MAMDC2: variants seen among roughly 807,000 people sequenced by gnomAD.
MAMDC2 encodes the protein MAM domain-containing protein 2.
MAMDC2 carries 57 observed loss-of-function variants against 89.8 expected under a neutral mutation model. The observed-to-expected ratio is 0.63, with a 90% CI of 0.51 to 0.79. The LOEUF (loss-of-function observed/expected upper bound fraction) is 0.79. MAMDC2 is among the 30% of genes least tolerant of loss of function. MAMDC2 has a pLI of 0.00. For synonymous variants in MAMDC2, 313 were observed against 293.4 expected (o/e 1.07, Z -0.68); for missense variants, 800 against 820.6 (o/e 0.97, Z 0.31).
intron 2 of MAMDC2, among the ~76,000 whole-genome samples, chr9:70,101,842 G>A (rs1375654029): frequency 6.6e-6 from 1 of 152,176 alleles, no homozygotes; most frequent in Non-Finnish European, 1.5e-5. Flanking sequence ...CTATAGATAT[G>A]AAGTCATATC....
Position 70,103,624 on chromosome 9 carries a change from AAAAAT to A in MAMDC2, c.149-4585_149-4581del, listed in dbSNP as rs532118751. Among the ~76,000 whole-genome samples the A allele has an allele frequency of 6.2e-3, 948 of 152,162 alleles. 11 individuals carry two copies. Among genetic ancestry groups the A allele is most frequent in the African/African-American group, 0.022 (897 of 41,538 alleles). The stretch of plus-strand genomic sequence containing the variant: ...TGCCAAAGGCAGAAAAAAAAAAACT[AAAAAT>A]AGAAAATTAAACTTCATCAAAATTT... On this transcript the variant is annotated intron_variant, in intron 2 of 13. Coordinates refer to ENST00000377182, the MANE Select transcript of MAMDC2 (RefSeq NM_153267.5).
At chr9:70,064,285 A>C (rs1827215124) in intron 2 of MAMDC2, among the ~76,000 whole-genome samples, 2 of 152,082 alleles carry the variant, frequency 1.3e-5, no homozygotes, top group Non-Finnish European at 2.9e-5. Context: ...GTGTACACTG[A>C]ACCCCATTTG....
At chr9:70,091,700 A>G (rs1445100356) in intron 2 of MAMDC2, among the ~76,000 whole-genome samples, 2 of 152,166 alleles carry the variant, frequency 1.3e-5, no homozygotes, top group Admixed American at 6.5e-5. Context: ...TAACTGTCCA[A>G]TTGTATCATG....
chr9:70,060,528 G>A (rs1033918315), intron 2 of MAMDC2: 5 of 152,166 alleles, frequency 3.3e-5, no homozygotes, highest in African/African-American at 7.2e-5. Flanking sequence ...CTGCTGGTTC[G>A]AATGAGTGTT....
intron 2 of MAMDC2, among the ~76,000 whole-genome samples, chr9:70,048,457 C>G (rs920662800): frequency 7.9e-5 from 12 of 152,090 alleles, no homozygotes; most frequent in Admixed American, 1.3e-4. Context: ...TGCTACCACC[C>G]CAGGCTAATT....
chr9:70,204,426 G>A (rs2118642096), intron 11 of MAMDC2, among the ~76,000 whole-genome samples: 1 of 151,414 alleles, frequency 6.6e-6, no homozygotes, highest in East Asian at 2.0e-4. Flanking sequence ...CAGATCTCCA[G>A]CTGCGTGCTG....
intron 2 of MAMDC2, among the ~76,000 whole-genome samples, chr9:70,102,883 C>A (rs1332317773): frequency 6.6e-6 from 1 of 152,232 alleles, no homozygotes; most frequent in Admixed American, 6.5e-5. Context: ...TCCCCCAGAT[C>A]CCTGGCCTGA....
chr9:70,149,380 T>C (rs940257356), intron 9 of MAMDC2, among the ~76,000 whole-genome samples: 8 of 151,876 alleles, frequency 5.3e-5, no homozygotes, highest in Non-Finnish European at 1.0e-4. Context: ...GGAAGCAGGA[T>C]CAGGCAGGGG....
rs192408766 is a variant in MAMDC2 at position 70,081,326 on chromosome 9, G to C, written c.149-26885G>C. 4.2e-3 allele frequency among the ~76,000 whole-genome samples: 637 copies of C among 152,212 alleles called. 4 individuals are homozygous for C. Among genetic ancestry groups the C allele is most frequent in the Middle Eastern group, 0.027 (8 of 294 alleles). ...GAAAGCCACAAGAACCGTCCTGGAGGGGGAGGGAATGTCCAAATCTGTGAG... is the reference window on the plus strand; with the variant it reads ...GAAAGCCACAAGAACCGTCCTGGAGCGGGAGGGAATGTCCAAATCTGTGAG... On this transcript the variant is annotated intron_variant, in intron 2 of 13. Coordinates refer to ENST00000377182, the MANE Select transcript of MAMDC2 (RefSeq NM_153267.5).
intron 2 of MAMDC2, among the ~76,000 whole-genome samples, chr9:70,061,631 C>A (rs974098463): frequency 1.3e-5 from 2 of 152,060 alleles, no homozygotes; most frequent in African/African-American, 4.8e-5. Context: ...TGCCAAAAAT[C>A]AAATGATCAA....
intron 11 of MAMDC2, among the ~76,000 whole-genome samples, chr9:70,203,296 A>T (rs1411737856): frequency 1.3e-5 from 2 of 151,060 alleles, no homozygotes; most frequent in Non-Finnish European, 2.9e-5. Flanking sequence ...AAAGTATTTT[A>T]TTTCTCCTTC....
chr9:70,199,869 A>G (rs1282428976), intron 11 of MAMDC2, among the ~76,000 whole-genome samples: 1 of 150,954 alleles, frequency 6.6e-6, no homozygotes, highest in Non-Finnish European at 1.5e-5. Flanking sequence ...GTGTCTGTTC[A>G]TGTCCTTCGC....
intron 11 of MAMDC2, among the ~76,000 whole-genome samples, chr9:70,204,368 G>T (rs1177450250): frequency 4.0e-5 from 6 of 151,766 alleles, no homozygotes; most frequent in South Asian, 2.1e-4. Context: ...TAGGCTGCTC[G>T]GGGGTCAGGG....
chr9:70,050,194 T>C (rs961688412), intron 2 of MAMDC2, among the ~76,000 whole-genome samples: 2 of 152,104 alleles, frequency 1.3e-5, no homozygotes, highest in South Asian at 2.1e-4. Flanking sequence ...CTCTTTCAGA[T>C]GTATAGGGAT....
intron 2 of MAMDC2, among the ~76,000 whole-genome samples, chr9:70,083,940 C>T (rs1246910023): frequency 6.6e-6 from 1 of 152,096 alleles, no homozygotes; most frequent in East Asian, 1.9e-4. Context: ...CACTAATTAG[C>T]TAAGAGACTT....
Position 70,044,588 on chromosome 9 carries a change from G to T in MAMDC2, c.39G>T (p.Leu13=), listed in dbSNP as rs1228058141. 6.5e-7 allele frequency: 1 copy of T among 1,549,754 alleles called. No homozygotes were observed. Reference sequence around the variant, plus strand: ...AAACTCGCTTTGTGCCCGCAGCCCTGCAGCTCGCCGGTGCCCTCGACCTGC... The same window carrying T: ...AAACTCGCTTTGTGCCCGCAGCCCTTCAGCTCGCCGGTGCCCTCGACCTGC... The part of the protein sequence containing the change: ...LRGVLLALQA[L]QLAGALDLPA... Residue 13 remains leucine (L), a synonymous_variant, in exon 2 of 14, where the codon CTG becomes CTT. Transcript: ENST00000377182.
chr9:70,215,201 T>C (rs1000445120), intron 11 of MAMDC2, among the ~76,000 whole-genome samples: 1 of 152,168 alleles, frequency 6.6e-6, no homozygotes, highest in African/African-American at 2.4e-5. Context: ...GAATACAGTG[T>C]CTTGCAAGCC....
intron 11 of MAMDC2, among the ~76,000 whole-genome samples, chr9:70,198,729 T>C (rs1419244024): frequency 2.0e-5 from 3 of 152,126 alleles, no homozygotes; most frequent in Admixed American, 2.0e-4. Flanking sequence ...GGCAAATAAA[T>C]TCTCTTCCAA....
In MAMDC2 at chr9:70,046,216, T is replaced by G. The variant is rs142275971; in HGVS notation, c.148+1519T>G. Among the ~76,000 whole-genome samples, 27 of 152,260 alleles carry G rather than the reference T, an allele frequency of 1.8e-4. No individual in the cohort carries two copies. In the East Asian group the frequency reaches 4.6e-3, roughly 26 times the overall value. ...GTGTCTGATTCAGGGGGCCTGAGAA[T>G]TTCTAACAAGTTCCCAGGTGATGCT... On this transcript the variant is annotated intron_variant, in intron 2 of 13. Transcript: ENST00000377182.
Sources: allele counts gnomAD v4.1 joint callset (sites outside exome capture counted in the v4.1 genomes callset), GRCh38; gene constraint gnomAD v4.1.1; transcripts MANE v1.5; gene names NCBI Gene and HGNC (gene_info 2026-07-23, HGNC 2026-07-21).